CAST: variants seen among roughly 807,000 people sequenced by gnomAD.
The protein encoded by CAST is calpastatin.
Under a neutral mutation model 119.6 loss-of-function variants are expected in CAST, and 76 were observed. The observed-to-expected ratio is 0.64, with a 90% CI of 0.53 to 0.77. The LOEUF is 0.77. Among genes scored for constraint, CAST ranks in the 30% least tolerant of loss-of-function variants. CAST has a pLI of 0.00. For missense variants in CAST, 953 were observed against 946.5 expected, an observed-to-expected ratio of 1.01 and a Z score of -0.09; for synonymous variants, 319 against 331.6, an observed-to-expected ratio of 0.96 and a Z score of 0.41.
At chr5:96,577,061 C>T (rs766545629) in intron 1 of CAST, among the ~76,000 whole-genome samples, 2 of 152,192 alleles carry the variant, frequency 1.3e-5, no homozygotes, top group Non-Finnish European at 2.9e-5. Flanking sequence ...TTAGCTCCCA[C>T]TTACAAGTGA....
chr5:96,619,140 A>C (rs1054750079), intron 1 of CAST, among the ~76,000 whole-genome samples: 2 of 152,202 alleles, frequency 1.3e-5, no homozygotes, highest in Non-Finnish European at 2.9e-5. Flanking sequence ...TTGTAAATGC[A>C]CCAATCAGCA....
chr5:96,707,001 GTTTC>G, intron 3 of CAST, among the ~76,000 whole-genome samples: 1 of 152,306 alleles, frequency 6.6e-6, no homozygotes. Flanking sequence ...TCATATTTCT[GTTTC>G]TTTCTTCACC....
the CAST span, among the ~76,000 whole-genome samples, chr5:96,375,594 A>T: frequency 6.6e-6 from 1 of 152,044 alleles, no homozygotes; most frequent in South Asian, 2.1e-4. Context: ...TAGTTCCTAA[A>T]GTGATTTAAT....
upstream of CAST, among the ~76,000 whole-genome samples, chr5:96,528,040 A>C (rs926800161): frequency 6.6e-6 from 1 of 152,228 alleles, no homozygotes; most frequent in African/African-American, 2.4e-5. Flanking sequence ...ATGTTGCCAC[A>C]GTTTTAAGAA....
chr5:96,005,283 C>A, the CAST span, among the ~76,000 whole-genome samples: 3 of 152,028 alleles, frequency 2.0e-5, no homozygotes, highest in Admixed American at 6.6e-5. Flanking sequence ...AGGCATCAGT[C>A]CTAGAGAGCC....
chr5:96,523,115 A>C (rs1745543589), upstream of CAST, among the ~76,000 whole-genome samples: 1 of 152,220 alleles, frequency 6.6e-6, no homozygotes, highest in Non-Finnish European at 1.5e-5. Context: ...TCCCAGTGCT[A>C]CTGGAAAACC....
chr5:96,765,189 G>T (rs1769415217), intron 25 of CAST, 32 bp from the exon 26 acceptor site: 1 of 1,251,002 alleles, frequency 8.0e-7, no homozygotes, highest in South Asian at 1.2e-5. Flanking sequence ...TTTGGCTAAT[G>T]AGTGACTAAT....
At chr5:96,499,982 G>A in the CAST span, among the ~76,000 whole-genome samples, 1 of 152,048 alleles carries the variant, frequency 6.6e-6, no homozygotes, top group African/African-American at 2.4e-5. Flanking sequence ...TGTGCCTCAG[G>A]GAATAGGGAG....
chr5:96,647,830 T>C (rs566052141), intron 1 of CAST, among the ~76,000 whole-genome samples: 53 of 152,248 alleles, frequency 3.5e-4, no homozygotes, highest in Admixed American at 1.7e-3. Flanking sequence ...CCTCCAGAGC[T>C]GTGAGATAAT....
At chr5:96,431,577 G>A in the CAST span, among the ~76,000 whole-genome samples, 1 of 152,254 alleles carries the variant, frequency 6.6e-6, no homozygotes, top group African/African-American at 2.4e-5. Flanking sequence ...CTGGCACGAG[G>A]GCAAGGGCTG....
chr5:96,740,250 C>T (rs560757083), intron 12 of CAST, 132 bp downstream of exon 12: 18 of 594,598 alleles, frequency 3.0e-5, no homozygotes, highest in East Asian at 1.5e-4. Flanking sequence ...CTATGAAGCT[C>T]GCTGCATTGG....
chr5:95,962,784 C>T, the CAST span, among the ~76,000 whole-genome samples: 1 of 152,106 alleles, frequency 6.6e-6, no homozygotes, highest in Non-Finnish European at 1.5e-5. Flanking sequence ...AAAGAAACCT[C>T]GACAATTCTC....
At chr5:96,210,600 TAA>T in the CAST span, among the ~76,000 whole-genome samples, 6 of 152,176 alleles carry the variant, frequency 3.9e-5, no homozygotes, top group African/African-American at 1.4e-4. Context: ...AGCTACATAA[TAA>T]GTCTTGAAAT....
chr5:95,997,200 A>G, the CAST span, among the ~76,000 whole-genome samples: 8 of 152,084 alleles, frequency 5.3e-5, no homozygotes, highest in African/African-American at 1.9e-4. Flanking sequence ...TTGATTTTTG[A>G]TTCACATATT....
chr5:96,122,447 G>A, the CAST span, among the ~76,000 whole-genome samples: 1 of 152,102 alleles, frequency 6.6e-6, no homozygotes, highest in Non-Finnish European at 1.5e-5. Flanking sequence ...CAACCCCCAA[G>A]AGTATAGTCC....
the CAST span, among the ~76,000 whole-genome samples, chr5:96,129,651 T>C: frequency 5.3e-5 from 8 of 152,132 alleles, no homozygotes; most frequent in Admixed American, 3.3e-4. Flanking sequence ...AAGTATTCAC[T>C]ACTATTTCCC....
the CAST span, among the ~76,000 whole-genome samples, chr5:95,978,954 C>T: frequency 3.3e-5 from 5 of 152,062 alleles, no homozygotes; most frequent in African/African-American, 9.7e-5. Flanking sequence ...ATTAACACTC[C>T]TTAAATGTGG....
the CAST span, among the ~76,000 whole-genome samples, chr5:96,452,524 G>C: frequency 6.7e-6 from 1 of 150,268 alleles, no homozygotes; most frequent in Non-Finnish European, 1.5e-5. Flanking sequence ...GATAGCATTA[G>C]GATAAATACC....
chr5:96,390,812 A>G, the CAST span: 1 of 152,686 alleles, frequency 6.5e-6, no homozygotes, highest in Admixed American at 6.5e-5. Context: ...ACTGTTTTAT[A>G]TCTGAATATT....
Sources: gnomAD v4.1 joint callset for allele counts (sites outside exome capture counted in the v4.1 genomes callset) on GRCh38, gnomAD v4.1.1 for gene constraint, MANE v1.5 for transcripts, NCBI Gene and HGNC (gene_info 2026-07-23, HGNC 2026-07-21) for gene names.